MILR1: variants seen among roughly 807,000 people sequenced by gnomAD.
MILR1 encodes the protein mast cell immunoglobulin like receptor 1.
MILR1 carries 31 observed loss-of-function variants against 18.5 expected under a neutral mutation model. The observed-to-expected ratio is 1.68, with a 90% CI of 1.26 to 2.26. MILR1 has a LOEUF of 2.26. MILR1 is among the 30% of genes most tolerant of loss of function. The pLI is 0.00. For missense variants in MILR1, 257 were observed against 157.4 expected (o/e 1.63, Z -3.38); for synonymous variants, 85 against 56.2 (o/e 1.51, Z -2.30).
the MILR1 span, chr17:64,485,390 G>A: frequency 6.7e-6 from 2 of 298,358 alleles, no homozygotes; most frequent in South Asian, 3.3e-5. Context: ...TCCCTGATCC[G>A]GGTCTTTCTT....
At chr17:64,490,719 C>A in the MILR1 span, 50 of 1,171,268 alleles carry the variant, frequency 4.3e-5, no homozygotes, top group African/African-American at 7.5e-5. Flanking sequence ...CACGTTTGCA[C>A]CTTATTCTCA....
intron 7 of MILR1, 42 bp from the exon 8 acceptor site, chr17:64,466,552 C>T: frequency 1.2e-6 from 2 of 1,611,152 alleles, no homozygotes; most frequent in Non-Finnish European, 1.7e-6. Context: ...TAGAAATTCA[C>T]ATAATTGGCC....
chr17:64,478,990 C>A, the MILR1 span, among the ~76,000 whole-genome samples: 3 of 152,000 alleles, frequency 2.0e-5, no homozygotes, highest in African/African-American at 7.2e-5. Flanking sequence ...ATAAAAATAT[C>A]CTGGGACAAT....
intron 2 of MILR1, among the ~76,000 whole-genome samples, chr17:64,449,673 G>A (rs960177280): frequency 4.6e-4 from 70 of 151,916 alleles, no homozygotes; most frequent in Non-Finnish European, 2.5e-4. Flanking sequence ...TGGTGCCTCC[G>A]GCCTGTAATC....
At chr17:64,489,170 T>C in the MILR1 span, among the ~76,000 whole-genome samples, 2 of 151,292 alleles carry the variant, frequency 1.3e-5, no homozygotes, top group African/African-American at 2.4e-5. Flanking sequence ...GATGGAAATA[T>C]GTCAAAAGGA....
At chr17:64,456,808 A>C (rs1217264394) in intron 3 of MILR1, among the ~76,000 whole-genome samples, 2 of 152,124 alleles carry the variant, frequency 1.3e-5, no homozygotes, top group African/African-American at 4.8e-5. Flanking sequence ...TCTCTGAATA[A>C]ATAAATACAT....
chr17:64,480,212 G>T, the MILR1 span: 4 of 436,860 alleles, frequency 9.2e-6, no homozygotes, highest in African/African-American at 2.1e-5. Flanking sequence ...ATTTAGAAGA[G>T]ATTTGTTTCT....
chr17:64,459,996 ATTT>A (rs2037391323), intron 4 of MILR1, among the ~76,000 whole-genome samples: 12 of 38,578 alleles, frequency 3.1e-4, no homozygotes, highest in African/African-American at 1.8e-3. Flanking sequence ...ATTTTATTTT[ATTT>A]ATTTATTTAT....
intron 2 of MILR1, among the ~76,000 whole-genome samples, chr17:64,451,581 T>TA (rs1441034016): frequency 4.6e-5 from 7 of 152,088 alleles, no homozygotes; most frequent in South Asian, 2.1e-4. Flanking sequence ...CATTCCTAGA[T>TA]AAAAAAAACT....
At chr17:64,464,857 G>C (rs1555662743) in intron 5 of MILR1, among the ~76,000 whole-genome samples, 1 of 152,228 alleles carries the variant, frequency 6.6e-6, no homozygotes, top group African/African-American at 2.4e-5. Context: ...CCAGGATGCG[G>C]AGGTTGCGGT....
At chr17:64,489,217 AAAT>A in the MILR1 span, among the ~76,000 whole-genome samples, 1 of 151,798 alleles carries the variant, frequency 6.6e-6, no homozygotes. Context: ...CCATCAAAAT[AAAT>A]AATGACAGTA....
intron 3 of MILR1, among the ~76,000 whole-genome samples, chr17:64,454,914 T>G (rs2037256459): frequency 6.6e-6 from 1 of 152,074 alleles, no homozygotes; most frequent in Non-Finnish European, 1.5e-5. Flanking sequence ...GTTGGGAGGA[T>G]TGCCTCAGCC....
At chr17:64,484,139 A>T in the MILR1 span, 1 of 152,262 alleles carries the variant, frequency 6.6e-6, no homozygotes, top group African/African-American at 2.4e-5. Flanking sequence ...AATAAAAATA[A>T]GTAAATAATA....
At chr17:64,486,969 T>G in the MILR1 span, 2 of 152,266 alleles carry the variant, frequency 1.3e-5, no homozygotes, top group African/African-American at 4.8e-5. Flanking sequence ...TCTTAAGTTT[T>G]GGATAAAAAC....
At chr17:64,461,616 A>G (rs997605817) in intron 5 of MILR1, among the ~76,000 whole-genome samples, 2 of 152,158 alleles carry the variant, frequency 1.3e-5, no homozygotes, top group Admixed American at 6.5e-5. Flanking sequence ...TAAAATATAC[A>G]TAACACTAAA....
chr17:64,495,043 A>G, the MILR1 span, among the ~76,000 whole-genome samples: 42,203 of 151,824 alleles, frequency 0.28, 11,346 homozygotes, highest in African/African-American at 0.7. Flanking sequence ...CGTGGTGGCA[A>G]GTGCCTGTAG....
At chr17:64,482,445 C>T in the MILR1 span, among the ~76,000 whole-genome samples, 1 of 151,970 alleles carries the variant, frequency 6.6e-6, no homozygotes, top group Non-Finnish European at 1.5e-5. Context: ...CCTTAGCCTC[C>T]TGAGTATCTG....
chr17:64,455,817 A>G (rs946300947), intron 3 of MILR1, among the ~76,000 whole-genome samples: 3 of 151,802 alleles, frequency 2.0e-5, no homozygotes, highest in African/African-American at 7.3e-5. Flanking sequence ...GTGGGGGCAG[A>G]TCACTTGAGG....
At chr17:64,462,619 C>T (rs1233096045) in intron 5 of MILR1, among the ~76,000 whole-genome samples, 1 of 149,750 alleles carries the variant, frequency 6.7e-6, no homozygotes, top group African/African-American at 2.5e-5. Context: ...TTTTGCCATA[C>T]TTTTATGGCA....
Sources: allele counts gnomAD v4.1 joint callset (sites outside exome capture counted in the v4.1 genomes callset), GRCh38; gene constraint gnomAD v4.1.1; transcripts MANE v1.5; gene names NCBI Gene and HGNC (gene_info 2026-07-23, HGNC 2026-07-21).